The following SAMD11 variants were observed in gnomAD, a reference collection of about 807,000 sequenced individuals.
SAMD11 encodes the protein sterile alpha motif domain containing 11.
A neutral mutation model predicts 64.4 loss-of-function variants in SAMD11; 77 were observed. The ratio of observed to expected loss-of-function variants is 1.20; its 90% confidence interval spans 0.99 to 1.44. SAMD11 has a LOEUF of 1.44. SAMD11 is among the 40% of genes most tolerant of loss of function. SAMD11 has a pLI of 0.00. For synonymous variants in SAMD11, 658 were observed against 421.9 expected, an observed-to-expected ratio of 1.56 and a Z score of -6.86; for missense variants, 1,402 against 943.3, an observed-to-expected ratio of 1.49 and a Z score of -6.37.
chr1:942,393 G>T lies in SAMD11; in HGVS notation c.1475-17G>T. ...GCCTCGGACCCCCCGACCCCGCGTTGTCCCCCTCCCCACCAGGCTACGGCT... is the reference window on the plus strand; with the variant it reads ...GCCTCGGACCCCCCGACCCCGCGTTTTCCCCCTCCCCACCAGGCTACGGCT... On this transcript the variant is annotated splice_polypyrimidine_tract_variant and intron_variant, in intron 9 of 13. Coordinates refer to ENST00000616016, the MANE Select transcript of SAMD11 (RefSeq NM_001385641.1). 9 of 1,378,242 alleles carry T rather than the reference G, an allele frequency of 6.5e-6. No homozygotes were observed. Among genetic ancestry groups the T allele is most frequent in the Non-Finnish European group, 8.7e-6 (9 of 1,037,264 alleles). 85.4% of individuals were successfully genotyped at this position (1,378,242 alleles called of 1,614,324 possible).
intron 5 of SAMD11, 55 bp downstream of exon 5, chr1:935,951 G>A (rs1426828280): frequency 2.9e-5 from 46 of 1,574,070 alleles, no homozygotes; most frequent in Non-Finnish European, 3.9e-5. Flanking sequence ...CCAGAGGACG[G>A]TGGCGTCTCC....
At chr1:929,548 C>T (rs925896665) in intron 2 of SAMD11, among the ~76,000 whole-genome samples, 2 of 152,220 alleles carry the variant, frequency 1.3e-5, no homozygotes, top group Non-Finnish European at 2.9e-5. Context: ...CGCTTGTCAA[C>T]GTTGGCATCG....
In SAMD11 at chr1:941,141, C is replaced by G; in HGVS notation, c.1196-3C>G. The G allele has an allele frequency of 6.3e-7, 1 of 1,595,932 alleles. No individual in the cohort carries two copies. The highest frequency in any genetic ancestry group is 8.5e-7 in the Non-Finnish European group (1 of 1,172,300). On this transcript the variant is annotated splice_polypyrimidine_tract_variant and splice_region_variant and intron_variant, in intron 7 of 13. Coordinates refer to ENST00000616016, the MANE Select transcript of SAMD11 (RefSeq NM_001385641.1). ...GGGATCACTGCTGTTGTCCCCCACCCAGATCTCCTGAGGGTCCGGCAGGAG... is the reference window on the plus strand; with the variant it reads ...GGGATCACTGCTGTTGTCCCCCACCGAGATCTCCTGAGGGTCCGGCAGGAG...
intron 2 of SAMD11, among the ~76,000 whole-genome samples, chr1:929,211 C>T (rs999839911): frequency 3.3e-5 from 5 of 152,202 alleles, no homozygotes; most frequent in Admixed American, 2.6e-4. Context: ...ACGTCCGCCG[C>T]GTGTGTGCGT....
chr1:925,888 T>C, intron 1 of SAMD11, 34 bp from the exon 2 acceptor site: 3 of 1,503,400 alleles, frequency 2.0e-6, no homozygotes, highest in Non-Finnish European at 2.8e-6. Context: ...AGCGTGCCGC[T>C]CCCTCACAGG....
At chr1:932,019 C>T (rs1641189498) in intron 4 of SAMD11, among the ~76,000 whole-genome samples, 1 of 152,216 alleles carries the variant, frequency 6.6e-6, no homozygotes, top group Non-Finnish European at 1.5e-5. Flanking sequence ...GCCCAGGGGA[C>T]CTGCGTGTCT....
In SAMD11 at chr1:943,023, G is replaced by T. The variant is rs750685323; in HGVS notation, c.2018G>T (p.Gly673Val). The T allele has an allele frequency of 1.3e-6, 2 of 1,533,408 alleles. No homozygotes were observed. Among genetic ancestry groups the T allele is most frequent in the Non-Finnish European group, 8.7e-7 (1 of 1,143,198 alleles). 95.0% of individuals were successfully genotyped at this position (1,533,408 alleles called of 1,614,324 possible). The stretch of plus-strand genomic sequence containing the variant: ...TTCCCAGGGTCCACACTGCCCCTGG[G>T]CTTCCCTTATGCCGTCAGCCCCTAC... Reference protein sequence around the residue: ...GLFPGSTLPLGFPYAVSPYFH... With the variant: ...GLFPGSTLPLVFPYAVSPYFH... The change falls in exon 11 of 14, where the codon GGC becomes GTC. Residue 673 changes from glycine to valine, a missense_variant. Physicochemically the swap from Gly to Val is moderately radical, Grantham distance 109. Transcript: ENST00000616016.
At chr1:930,438 A>C in intron 3 of SAMD11, 102 bp downstream of exon 3, 1 of 1,270,614 alleles carries the variant, frequency 7.9e-7, no homozygotes, top group South Asian at 1.5e-5. Context: ...GGCCTCCCAC[A>C]CCTTCCCTCA....
At chr1:941,106 C>T (rs371068541) in intron 7 of SAMD11, 38 bp from the exon 8 acceptor site, 2 of 1,548,676 alleles carry the variant, frequency 1.3e-6, no homozygotes, top group Non-Finnish European at 1.8e-6. Context: ...GATGAGGGCG[C>T]ATAGCCGGGG....
In SAMD11 at chr1:942,449, C is replaced by G. The variant is rs774760754; in HGVS notation, c.1514C>G (p.Ala505Gly). The G allele has an allele frequency of 2.6e-5, 38 of 1,488,694 alleles. No homozygotes were observed. The East Asian group carries it at 1.1e-3, about 43-fold the overall frequency. The allele number at this position is 1,488,694 out of a possible 1,614,324, so 92.2% of individuals were successfully genotyped here. Residue 505 changes from alanine to glycine, a missense_variant, in exon 10 of 14, where the codon GCC becomes GGC. Coordinates refer to ENST00000616016, the MANE Select transcript of SAMD11 (RefSeq NM_001385641.1). ...CCCCCCGCGCAGGCGGAGATGTTCG[C>G]CTGGCAGCAGGAGCTCCTGCGGAAG... ...FLPPAQAEMF[A>G]WQQELLRKQN... is the part of the protein sequence containing the mutation.
At chr1:936,209 C>G (rs774801173) in intron 5 of SAMD11, among the ~76,000 whole-genome samples, 5 of 152,144 alleles carry the variant, frequency 3.3e-5, no homozygotes, top group South Asian at 4.1e-4. Flanking sequence ...GAGGAACGCA[C>G]GCACTCCCGC....
At position 944,126 on chromosome 1, in the gene SAMD11, C is replaced by T. The variant is rs745340654; in HGVS notation, c.2508C>T (p.Ala836=). The T allele has an allele frequency of 2.5e-6, 4 of 1,592,056 alleles. No homozygotes were observed. The South Asian group carries it at 3.4e-5, about 13-fold the overall frequency. ...ENGTLALLPG[A]PDPSQPLC Reference sequence around the variant, plus strand: ...GGACCTTGGCTCTACTTCCAGGGGCCCCCGACCCTTCCCAGCCTCTGTGTT... The same window carrying T: ...GGACCTTGGCTCTACTTCCAGGGGCTCCCGACCCTTCCCAGCCTCTGTGTT... Residue 836 remains alanine (A), a synonymous_variant, in exon 14 of 14, where the codon GCC becomes GCT. Coordinates refer to ENST00000616016, the MANE Select transcript of SAMD11 (RefSeq NM_001385641.1).
intron 4 of SAMD11, among the ~76,000 whole-genome samples, chr1:932,731 C>T (rs1020629098): frequency 3.9e-5 from 6 of 152,254 alleles, no homozygotes; most frequent in African/African-American, 1.4e-4. Flanking sequence ...ACCCATCTGT[C>T]CGTCTGTCCT....
At chr1:943,554 G>A in intron 12 of SAMD11, 144 bp from the exon 13 acceptor site, 2 of 765,058 alleles carry the variant, frequency 2.6e-6, no homozygotes, top group East Asian at 6.3e-5. Context: ...TTTTTGCCAG[G>A]TGTTTTCTGC....
Position 942,809 on chromosome 1 carries a change from C to A in SAMD11, c.1804C>A (p.Pro602Thr). 6.5e-7 allele frequency: 1 copy of A among 1,547,042 alleles called. No individual in the cohort carries two copies. Among genetic ancestry groups the A allele is most frequent in the Non-Finnish European group, 8.7e-7 (1 of 1,145,870 alleles). Residue 602 changes from proline (P) to threonine (T), a missense_variant, in exon 11 of 14, where the codon CCT (proline) becomes ACT (threonine). By Grantham distance (38) the Pro-to-Thr change is conservative (BLOSUM62 -1). Coordinates refer to ENST00000616016, the MANE Select transcript of SAMD11 (RefSeq NM_001385641.1). Reference sequence around the variant, plus strand: ...AGCCCCCCGGAAGGGGGGTCCCGGCCCTGCCTCAGCGCGGCCCAGCGAGTC... The same window carrying A: ...AGCCCCCCGGAAGGGGGGTCCCGGCACTGCCTCAGCGCGGCCCAGCGAGTC... ...RRAPRKGGPG[P>T]ASARPSESKE...
chr1:939,347 C>T lies in SAMD11; in HGVS notation c.1130C>T (p.Ala377Val). 1 of 1,612,254 alleles carries T rather than the reference C, an allele frequency of 6.2e-7. No individual in the cohort carries two copies. The highest frequency in any genetic ancestry group is 2.2e-5 in the East Asian group (1 of 44,866). The stretch of plus-strand genomic sequence containing the variant: ...GACCATTACCGCCGGCTTGTGTCAG[C>T]ACTGAGCGAGGCCAGCACCTTTGAG... Reference protein sequence around the residue: ...PEDHYRRLVSALSEASTFEDP... With the variant: ...PEDHYRRLVSVLSEASTFEDP... Residue 377 changes from alanine to valine, a missense_variant, in exon 7 of 14, where the codon GCA becomes GTA. Coordinates refer to ENST00000616016, the MANE Select transcript of SAMD11 (RefSeq NM_001385641.1).
chr1:936,013 T>C, intron 5 of SAMD11, 117 bp downstream of exon 5: 1 of 1,104,354 alleles, frequency 9.1e-7, no homozygotes, highest in Non-Finnish European at 1.3e-6. Flanking sequence ...AGGAGCGGCC[T>C]GTCCCCCAGG....
intron 1 of SAMD11, among the ~76,000 whole-genome samples, chr1:925,408 TTGG>T (rs773119229): frequency 0.79 from 119,095 of 150,454 alleles, 51,479 homozygotes; most frequent in Non-Finnish European, 0.98. Flanking sequence ...ACAACCTGTT[TTGG>T]CGCCTGCGGG....
Position 933,178 on chromosome 1 carries a change from C to T in SAMD11, c.842+2089C>T, listed in dbSNP as rs1024989330. On this transcript the variant is annotated intron_variant, in intron 4 of 13. Transcript: ENST00000616016. ...GGCATTCTGTGGTTCGAGGACCATGCGCTGATGTGCCCGGGCCGGGTTCCT... is the reference window on the plus strand; with the variant it reads ...GGCATTCTGTGGTTCGAGGACCATGTGCTGATGTGCCCGGGCCGGGTTCCT... Among the ~76,000 whole-genome samples the T allele has an allele frequency of 5.9e-5, 9 of 152,246 alleles. 1 individual carries two copies. Among genetic ancestry groups the T allele is most frequent in the Admixed American group, 1.3e-4 (2 of 15,282 alleles).
Sources: gnomAD v4.1 joint callset for allele counts (sites outside exome capture counted in the v4.1 genomes callset) on GRCh38, gnomAD v4.1.1 for gene constraint, MANE v1.5 for transcripts, NCBI Gene and HGNC (gene_info 2026-07-23, HGNC 2026-07-21) for gene names.